The following CAGE1 variants were observed in gnomAD, a reference collection of about 807,000 sequenced individuals.
CAGE1 encodes the protein cancer antigen 1.
Under a neutral mutation model 94.9 loss-of-function variants are expected in CAGE1, and 66 were observed. The observed-to-expected ratio is 0.70, with a 90% confidence interval of 0.57 to 0.85. The LOEUF (loss-of-function observed/expected upper bound fraction) is 0.85. CAGE1 is among the 40% of genes least tolerant of loss of function. The pLI, the probability that CAGE1 is intolerant of heterozygous loss-of-function variation, is 0.00. For missense variants in CAGE1, 865 were observed against 950.4 expected (o/e 0.91, Z 1.18); for synonymous variants, 319 against 321.0 (o/e 0.99, Z 0.07).
intron 13 of CAGE1, among the ~76,000 whole-genome samples, chr6:7,328,907 TGTG>T (rs1360756874): frequency 4.7e-5 from 4 of 84,908 alleles, no homozygotes; most frequent in Admixed American, 4.3e-4. Flanking sequence ...TGTGTGTGTG[TGTG>T]TGTGTGTGTA....
intron 9 of CAGE1, among the ~76,000 whole-genome samples, chr6:7,360,306 C>G (rs1488993005): frequency 3.9e-5 from 6 of 152,134 alleles, no homozygotes; most frequent in African/African-American, 1.4e-4. Context: ...TACCACACAC[C>G]TGTTATGAGG....
rs1299814796 is a variant in CAGE1 at position 7,378,806 on chromosome 6, T to A, written c.498A>T (p.Pro166=). 1 of 1,613,638 alleles carries A rather than the reference T, an allele frequency of 6.2e-7. No individual in the cohort carries two copies. The highest frequency in any genetic ancestry group is 1.1e-5 in the South Asian group (1 of 91,016). The change falls in exon 4 of 14, where the codon CCA becomes CCT. Residue 166 remains proline (P), a synonymous_variant. Coordinates refer to ENST00000502583, the MANE Select transcript of CAGE1 (RefSeq NM_001170692.2). ...IKQDSFKEEN[P]METSVSANTD... is the part of the protein sequence containing the mutation. ...TATTTGCAGAAACACTAGTTTCCAT[T>A]GGATTTTCTTCCTTAAATGAGTCTT...
At position 7,374,133 on chromosome 6, in the gene CAGE1, T is replaced by G. The variant is rs543022914; in HGVS notation, c.688-2A>C. 1.9e-6 allele frequency: 3 copies of G among 1,604,144 alleles called. No homozygotes were observed. The African/African-American group carries it at 4.0e-5, about 21-fold the overall frequency. The stretch of plus-strand genomic sequence containing the variant: ...TATTTCTTTTGAAGGAACTGCAGTC[T>G]GTAAATTATAGTAAACAAAGTAAGT... On this transcript the variant is annotated splice_acceptor_variant, in intron 4 of 13. Transcript: ENST00000502583. LOFTEE classifies it high-confidence loss of function.
At chr6:7,358,524 T>C (rs1760059030) in intron 9 of CAGE1, among the ~76,000 whole-genome samples, 1 of 152,172 alleles carries the variant, frequency 6.6e-6, no homozygotes, top group African/African-American at 2.4e-5. Context: ...TATGAACATA[T>C]GCTTTCATTT....
rs1195319730 is a variant in CAGE1, at chr6:7,373,332, T to C, written c.1487A>G (p.Lys496Arg). ...TTTCTGTCTTTCTTCCAGGTTTTCC[T>C]TTTCAAGTTTCTGGAATTCCTCCTG... The part of the protein sequence containing the change: ...SLQEEFQKLE[K>R]ENLEERQKLK... The change falls in exon 5 of 14, where the codon AAG (lysine) becomes AGG (arginine). Residue 496 changes from lysine (K) to arginine (R), a missense_variant. Transcript: ENST00000502583. The C allele has an allele frequency of 3.7e-6, 6 of 1,610,726 alleles. No homozygotes were observed. The highest frequency in any genetic ancestry group is 4.2e-6 in the Non-Finnish European group (5 of 1,178,910).
chr6:7,385,783 A>C lies in CAGE1; in HGVS notation c.283+2T>G. The stretch of plus-strand genomic sequence containing the variant: ...GCATATTGCTAACAAGTAGATACTT[A>C]CCATTTAACAAATTGTCTAGTGTGC... On this transcript the variant is annotated splice_donor_variant, in intron 3 of 13. Coordinates refer to ENST00000502583, the MANE Select transcript of CAGE1 (RefSeq NM_001170692.2). LOFTEE classifies it high-confidence loss of function. 2 of 1,515,968 alleles carry C rather than the reference A, an allele frequency of 1.3e-6. No individual in the cohort carries two copies. The highest frequency in any genetic ancestry group is 1.8e-6 in the Non-Finnish European group (2 of 1,125,904). The allele number at this position is 1,515,968 out of a possible 1,614,324, so 93.9% of individuals were successfully genotyped here.
intron 4 of CAGE1, among the ~76,000 whole-genome samples, chr6:7,374,749 G>C (rs1760676871): frequency 6.6e-6 from 1 of 152,168 alleles, no homozygotes; most frequent in African/African-American, 2.4e-5. Flanking sequence ...AAGACAGTAG[G>C]CCGGGCGAGG....
intron 11 of CAGE1, among the ~76,000 whole-genome samples, chr6:7,350,771 G>A (rs1005623491): frequency 4.6e-5 from 7 of 152,082 alleles, no homozygotes; most frequent in Admixed American, 3.9e-4. Context: ...GGCAATAAGA[G>A]GAAAGTTTAT....
chr6:7,372,244 G>A (rs948586958), intron 5 of CAGE1, among the ~76,000 whole-genome samples: 1 of 152,124 alleles, frequency 6.6e-6, no homozygotes, highest in African/African-American at 2.4e-5. Context: ...GGCTGAGGCA[G>A]GTGGATCACT....
rs1317606675 is a variant in CAGE1, at chr6:7,362,021, G to T, written c.2193+3447C>A. On this transcript the variant is annotated intron_variant, in intron 9 of 13. Transcript: ENST00000502583. This position sits in a 1 kb window ranked among gnomAD's most constrained non-coding sequence, Gnocchi z 4.1. ...CTTTGGTCATTCAAGTGGACCACAA[G>T]ATACTGGGCTTTGATTGTTTTCTTT... is the stretch of plus-strand genomic sequence containing the variant. 1.3e-5 allele frequency among the ~76,000 whole-genome samples: 2 copies of T among 152,194 alleles called. No individual in the cohort carries two copies. Among genetic ancestry groups the T allele is most frequent in the East Asian group, 3.8e-4 (2 of 5,198 alleles).
At chr6:7,340,863 C>T in intron 11 of CAGE1, 1 of 413,986 alleles carries the variant, frequency 2.4e-6, no homozygotes, top group Non-Finnish European at 4.7e-6. Context: ...TCCTGCAGCA[C>T]ACCACAGAAC....
intron 11 of CAGE1, chr6:7,341,548 C>A (rs549425164): frequency 1.3e-5 from 16 of 1,230,662 alleles, no homozygotes; most frequent in Non-Finnish European, 1.9e-5. Context: ...CACAAGGCCT[C>A]GGACCTTTTT....
intron 12 of CAGE1, among the ~76,000 whole-genome samples, chr6:7,330,741 G>A (rs1209501211): frequency 3.3e-5 from 5 of 152,184 alleles, no homozygotes; most frequent in African/African-American, 1.2e-4. Context: ...TAGGTCTGGA[G>A]TTTTCTAACA....
chr6:7,389,515 C>G lies in CAGE1; in HGVS notation c.-337G>C. The G allele has an allele frequency of 2.8e-6, 1 of 356,716 alleles. No homozygotes were observed. Among genetic ancestry groups the G allele is most frequent in the Non-Finnish European group, 5.6e-6 (1 of 179,576 alleles). 22.1% of individuals were successfully genotyped at this position (356,716 alleles called of 1,614,324 possible). On this transcript the variant is annotated 5_prime_UTR_variant, in exon 1 of 14. Coordinates refer to ENST00000502583, the MANE Select transcript of CAGE1 (RefSeq NM_001170692.2). ...GGCCCGAGCGACCCTACTGTGGGTG[C>G]GGTGTCTTCCCAGAGAGTGGTGAAG...
chr6:7,353,661 A>G (rs1432320973), intron 11 of CAGE1, among the ~76,000 whole-genome samples: 1 of 151,538 alleles, frequency 6.6e-6, no homozygotes, highest in Non-Finnish European at 1.5e-5. Flanking sequence ...CCCATCAATC[A>G]AAGAATGGAT....
Position 7,369,968 on chromosome 6 carries a change from G to A in CAGE1, c.1844C>T (p.Ser615Phe). ...CAGAGCCAGAAGACTGTGCATTTTG[G>A]AGGCCAGCTGAGAAGCTCTTTTTAT... is the stretch of plus-strand genomic sequence containing the variant. ...ADIKRASQLA[S>F]KMHSLLALMV... The change falls in exon 6 of 14, where the codon TCC (serine) becomes TTC (phenylalanine). Residue 615 changes from serine (S) to phenylalanine (F), a missense_variant. Transcript: ENST00000502583. 6.2e-7 allele frequency: 1 copy of A among 1,613,738 alleles called. No homozygotes were observed. Among genetic ancestry groups the A allele is most frequent in the Non-Finnish European group, 8.5e-7 (1 of 1,179,788 alleles).
intron 9 of CAGE1, among the ~76,000 whole-genome samples, chr6:7,361,483 G>C (rs1760163991): frequency 2.0e-5 from 3 of 151,892 alleles, no homozygotes; most frequent in Non-Finnish European, 4.4e-5. Flanking sequence ...TGTTTTAGCT[G>C]TGTGTGTGTG....
rs549868123 is a variant in CAGE1 at position 7,345,315 on chromosome 6, C to T, written c.2369+9726G>A. On this transcript the variant is annotated intron_variant, in intron 11 of 13. Coordinates refer to ENST00000502583, the MANE Select transcript of CAGE1 (RefSeq NM_001170692.2). ...AAAGGTTTGCAGTTTTATTTCTGAA[C>T]CAGCGAGACCACTAAACCCAGCAGG... Among the ~76,000 whole-genome samples the T allele has an allele frequency of 3.9e-5, 6 of 152,128 alleles. No individual in the cohort carries two copies. The South Asian group carries it at 1.2e-3, about 32-fold the overall frequency.
At chr6:7,369,702 A>G (rs889119386) in intron 6 of CAGE1, among the ~76,000 whole-genome samples, 2 of 152,208 alleles carry the variant, frequency 1.3e-5, no homozygotes, top group Non-Finnish European at 2.9e-5. Context: ...CATCTTATCT[A>G]TCTCTACGCT....
Sources: gnomAD v4.1 joint callset for allele counts (sites outside exome capture counted in the v4.1 genomes callset) on GRCh38, gnomAD v4.1.1 for gene constraint, Gnocchi (gnomAD v3.1) non-coding constraint, MANE v1.5 for transcripts, NCBI Gene and HGNC (gene_info 2026-07-23, HGNC 2026-07-21) for gene names.